Variants in KIT observed in about 807,000 individuals in gnomAD.
The protein encoded by KIT is KIT proto-oncogene, receptor tyrosine kinase, also known as mast/stem cell growth factor receptor Kit.
Under a neutral mutation model 105.7 loss-of-function variants are expected in KIT, and 16 were observed. That is an observed-to-expected ratio of 0.15 (90% CI 0.10 to 0.23). The LOEUF (loss-of-function observed/expected upper bound fraction) is 0.23, where lower values mean the gene tolerates loss of function less well. KIT is among the 10% of genes least tolerant of loss of function. The pLI is 1.00. For synonymous variants in KIT, 438 were observed against 441.1 expected (o/e 0.99, Z 0.09); for missense variants, 858 against 1,213.8 (o/e 0.71, Z 4.36).
At chr4:54,725,563 A>G (rs934936562) in intron 8 of KIT, among the ~76,000 whole-genome samples, 3 of 152,044 alleles carry the variant, frequency 2.0e-5, no homozygotes, top group Admixed American at 1.3e-4. Flanking sequence ...ACCCTCTGCA[A>G]TGGGTATTAC....
At chr4:54,722,209 C>T (rs1053753198) in intron 7 of KIT, among the ~76,000 whole-genome samples, 1 of 152,134 alleles carries the variant, frequency 6.6e-6, no homozygotes, top group African/African-American at 2.4e-5. Context: ...TAGTCTCAAA[C>T]TCCTGACCTC....
chr4:54,686,209 A>G (rs1466760780), intron 1 of KIT, among the ~76,000 whole-genome samples: 1 of 151,374 alleles, frequency 6.6e-6, no homozygotes, highest in East Asian at 1.9e-4. Flanking sequence ...AATATACTTA[A>G]GGAGCTACTT....
rs887751308 is a variant in KIT, at chr4:54,738,845, T to C, written c.*288T>C. ...GGGAGGTATGGACTGGGGGCCAGAG[T>C]CCTTTCCAAGGCTTCTCCAATTCTG... is the stretch of plus-strand genomic sequence containing the variant. On this transcript the variant is annotated 3_prime_UTR_variant, in exon 21 of 21. Coordinates refer to ENST00000288135, the MANE Select transcript of KIT (RefSeq NM_000222.3). 1.3e-5 allele frequency: 8 copies of C among 600,968 alleles called. No homozygotes were observed. The Admixed American group carries it at 1.8e-4, about 13-fold the overall frequency. The allele number at this position is 600,968 out of a possible 1,614,324, so 37.2% of individuals were successfully genotyped here. A position where few individuals can be genotyped will look rare whatever the true frequency, so the allele number is the denominator to read the frequency against.
rs760310161 is a variant in KIT, at chr4:54,727,246, T to G, written c.1569T>G (p.Thr523=). 1 of 1,614,166 alleles carries G rather than the reference T, an allele frequency of 6.2e-7. No individual in the cohort carries two copies. Among genetic ancestry groups the G allele is most frequent in the Non-Finnish European group, 8.5e-7 (1 of 1,180,002 alleles). The part of the protein sequence containing the change: ...KEQIHPHTLF[T]PLLIGFVIVA... ...AAATCCATCCCCACACCCTGTTCAC[T>G]CCTTTGCTGATTGGTTTCGTAATCG... The change falls in exon 10 of 21, where the codon ACT becomes ACG. Residue 523 remains threonine, a synonymous_variant. Coordinates refer to ENST00000288135, the MANE Select transcript of KIT (RefSeq NM_000222.3).
At chr4:54,660,124 C>G (rs904011073) in intron 1 of KIT, among the ~76,000 whole-genome samples, 1 of 152,144 alleles carries the variant, frequency 6.6e-6, no homozygotes, top group Non-Finnish European at 1.5e-5. Context: ...TTCCCCTGGC[C>G]CCTGTCTGCC....
intron 1 of KIT, among the ~76,000 whole-genome samples, chr4:54,681,318 G>T (rs911131669): frequency 6.6e-6 from 1 of 152,268 alleles, no homozygotes; most frequent in Non-Finnish European, 1.5e-5. Context: ...GTGCTGGGCT[G>T]TTGGGAAGAA....
chr4:54,663,658 G>C, intron 1 of KIT, among the ~76,000 whole-genome samples: 1 of 151,974 alleles, frequency 6.6e-6, no homozygotes, highest in East Asian at 1.9e-4. Context: ...GTTTAGGTTG[G>C]GGGAATGTCT....
At chr4:54,664,975 G>A (rs1214525066) in intron 1 of KIT, among the ~76,000 whole-genome samples, 1 of 151,180 alleles carries the variant, frequency 6.6e-6, no homozygotes, top group Non-Finnish European at 1.5e-5. Context: ...ATAGTGTTAA[G>A]TACATTCATA....
intron 7 of KIT, among the ~76,000 whole-genome samples, chr4:54,712,935 C>A (rs1721250727): frequency 6.6e-6 from 1 of 152,030 alleles, no homozygotes; most frequent in Admixed American, 6.6e-5. Context: ...TTTCACTTAC[C>A]TAACACGTTG....
At chr4:54,695,453 GT>G (rs1169508173) in intron 1 of KIT, 58 bp from the exon 2 acceptor site, 6 of 1,581,436 alleles carry the variant, frequency 3.8e-6, no homozygotes, top group Non-Finnish European at 4.3e-6. Context: ...ATTGGAAGAA[GT>G]GCTTTATTTC....
chr4:54,732,037 T>C, intron 16 of KIT, 39 bp downstream of exon 16: 1 of 1,557,740 alleles, frequency 6.4e-7, no homozygotes, highest in Non-Finnish European at 8.7e-7. Flanking sequence ...TTGTGTTTTG[T>C]TTTTTTGATT....
chr4:54,689,639 A>T (rs1246372021), intron 1 of KIT, among the ~76,000 whole-genome samples: 1 of 152,250 alleles, frequency 6.6e-6, no homozygotes, highest in Non-Finnish European at 1.5e-5. Flanking sequence ...AAAAGTGTCA[A>T]GATAGCTGAG....
intron 7 of KIT, among the ~76,000 whole-genome samples, chr4:54,710,418 A>G (rs1721071699): frequency 6.6e-6 from 1 of 152,192 alleles, no homozygotes; most frequent in African/African-American, 2.4e-5. Flanking sequence ...AATATTTCAT[A>G]GAAAAGAGCT....
At position 54,740,584 on chromosome 4, in the gene KIT, G is replaced by A. The variant is rs1157255086; in HGVS notation, c.*2027G>A. On this transcript the variant is annotated 3_prime_UTR_variant, in exon 21 of 21. Transcript: ENST00000288135. Reference sequence around the variant, plus strand: ...CTTGAAAATATTTTTTATATATACAGTAACTTTATGTGTAAATACATAAGC... The same window carrying A: ...CTTGAAAATATTTTTTATATATACAATAACTTTATGTGTAAATACATAAGC... 1 of 232,686 alleles carries A rather than the reference G, an allele frequency of 4.3e-6. No individual in the cohort carries two copies. The allele number at this position is 232,686 out of a possible 1,614,324, so 14.4% of individuals were successfully genotyped here.
At chr4:54,676,999 A>G (rs910482701) in intron 1 of KIT, among the ~76,000 whole-genome samples, 7 of 152,100 alleles carry the variant, frequency 4.6e-5, no homozygotes, top group East Asian at 1.9e-4. Flanking sequence ...CGAACTTATC[A>G]CATTGTAATT....
rs559826246 is a variant in KIT at position 54,667,827 on chromosome 4, A to G, written c.67+9746A>G. Among the ~76,000 whole-genome samples, 44 of 152,306 alleles carry G rather than the reference A, an allele frequency of 2.9e-4. 1 individual carries two copies. The East Asian group carries it at 8.1e-3, about 28-fold the overall frequency. ...GGAAAAGTATGGATATCACTTTTGC[A>G]TGTATTACCTGTGTTGTATGTTCGA... On this transcript the variant is annotated intron_variant, in intron 1 of 20. Coordinates refer to ENST00000288135, the MANE Select transcript of KIT (RefSeq NM_000222.3).
intron 7 of KIT, among the ~76,000 whole-genome samples, chr4:54,710,644 A>C (rs947809973): frequency 1.3e-5 from 2 of 151,402 alleles, no homozygotes; most frequent in Admixed American, 6.6e-5. Flanking sequence ...CCCAGGTTCA[A>C]GTGATTCTCC....
rs1286708725 is a variant in KIT, at chr4:54,677,325, G to A, written c.68-18187G>A. Among the ~76,000 whole-genome samples the A allele has an allele frequency of 2.9e-5, 4 of 137,348 alleles. No individual in the cohort carries two copies. The Admixed American group carries it at 3.3e-4, about 11-fold the overall frequency. The allele number at this position is 137,348 out of a possible 152,430, so 90.1% of individuals were successfully genotyped here. ...CACCATCTCATTCTACTATGGGAAA[G>A]GCAGGTCCCTGGCACTGTGGCAGCG... On this transcript the variant is annotated intron_variant, in intron 1 of 20. Coordinates refer to ENST00000288135, the MANE Select transcript of KIT (RefSeq NM_000222.3).
intron 1 of KIT, among the ~76,000 whole-genome samples, chr4:54,687,977 T>G (rs1265673154): frequency 6.6e-6 from 1 of 152,196 alleles, no homozygotes; most frequent in Non-Finnish European, 1.5e-5. Context: ...AAGGTAAGAC[T>G]TTAATGACGA....
Sources: allele counts gnomAD v4.1 joint callset (sites outside exome capture counted in the v4.1 genomes callset), GRCh38; gene constraint gnomAD v4.1.1; transcripts MANE v1.5; gene names NCBI Gene and HGNC (gene_info 2026-07-23, HGNC 2026-07-21).